PCSK2: variants seen among roughly 807,000 people sequenced by gnomAD.
PCSK2 encodes proprotein convertase subtilisin/kexin type 2, also known as neuroendocrine convertase 2.
Under a neutral mutation model 69.7 loss-of-function variants are expected in PCSK2, and 14 were observed. That is an observed-to-expected ratio of 0.20 (90% confidence interval 0.13 to 0.31). The LOEUF is 0.31. Ranked by LOEUF, PCSK2 falls within the 10% of genes least tolerant of loss-of-function variation. The pLI is 1.00. For missense variants in PCSK2, 544 were observed against 842.5 expected, an observed-to-expected ratio of 0.65 and a Z score of 4.39; for synonymous variants, 307 against 320.7, an observed-to-expected ratio of 0.96 and a Z score of 0.46.
chr20:17,330,421 G>T (rs369973194), intron 2 of PCSK2, among the ~76,000 whole-genome samples: 1 of 151,830 alleles, frequency 6.6e-6, no homozygotes, highest in Admixed American at 6.6e-5. Context: ...GCGAAACCCC[G>T]TCTCTACTAA....
rs1568616780 is a variant in PCSK2, at chr20:17,358,345, C to G, written c.301C>G (p.Gln101Glu). The change falls in exon 3 of 12, where the codon CAG becomes GAG. Residue 101 changes from glutamine (Q) to glutamate (E), a missense_variant. Physicochemically the swap from Gln to Glu is conservative, Grantham distance 29. Around this residue, in one of 3 missense-constraint regions of PCSK2, gnomAD observed 157 missense variants for 155.0 expected, o/e 1.01. Transcript: ENST00000262545. Reference sequence around the variant, plus strand: ...ATTCCAGGTAAAGATGGCTTTGCAGCAGGAAGGATTTGACCGAAAAAAGCG... The same window carrying G: ...ATTCCAGGTAAAGATGGCTTTGCAGGAGGAAGGATTTGACCGAAAAAAGCG... ...RDPRVKMALQQEGFDRKKRGY... is the reference protein window; with the variant it reads ...RDPRVKMALQEEGFDRKKRGY... 6.2e-7 allele frequency: 1 copy of G among 1,605,302 alleles called. No homozygotes were observed. Among genetic ancestry groups the G allele is most frequent in the African/African-American group, 1.3e-5 (1 of 74,808 alleles).
intron 1 of PCSK2, among the ~76,000 whole-genome samples, chr20:17,252,278 A>G (rs1987011984): frequency 6.6e-6 from 1 of 152,170 alleles, no homozygotes; most frequent in Non-Finnish European, 1.5e-5. Context: ...GAAAAATATA[A>G]TTTTTAACAG....
chr20:17,327,649 G>T (rs1990102069), intron 2 of PCSK2, among the ~76,000 whole-genome samples: 1 of 152,174 alleles, frequency 6.6e-6, no homozygotes, highest in Non-Finnish European at 1.5e-5. Context: ...CCTCCACGAA[G>T]TCACCGAGCA....
intron 6 of PCSK2, among the ~76,000 whole-genome samples, chr20:17,411,090 T>C (rs1159327278): frequency 6.6e-6 from 1 of 152,162 alleles, no homozygotes; most frequent in Non-Finnish European, 1.5e-5. Context: ...ATAAAAATAC[T>C]CCTTAAAAAA....
intron 2 of PCSK2, among the ~76,000 whole-genome samples, chr20:17,303,246 T>C (rs1989148010): frequency 7.1e-6 from 1 of 141,676 alleles, no homozygotes; most frequent in Non-Finnish European, 1.5e-5. Context: ...TTATAGATAA[T>C]TATATATAAT....
chr20:17,481,674 C>T lies in PCSK2; in HGVS notation c.1521C>T (p.Val507=). 1.9e-6 allele frequency: 3 copies of T among 1,614,140 alleles called. No homozygotes were observed. Among genetic ancestry groups the T allele is most frequent in the Non-Finnish European group, 2.5e-6 (3 of 1,180,038 alleles). ...KENFVRYLEH[V]QAVITVNATR... is the part of the protein sequence containing the mutation. ...ATTTTGTCCGCTACCTGGAGCATGT[C>T]CAGGCTGTCATCACGGTCAACGCAA... The change falls in exon 12 of 12, where the codon GTC becomes GTT. Residue 507 remains valine (V), a synonymous_variant. Coordinates refer to ENST00000262545, the MANE Select transcript of PCSK2 (RefSeq NM_002594.5).
chr20:17,439,098 G>C (rs1289788251), intron 8 of PCSK2, among the ~76,000 whole-genome samples: 1 of 151,978 alleles, frequency 6.6e-6, no homozygotes, highest in Non-Finnish European at 1.5e-5. Context: ...CTAAGTGTGT[G>C]CCTATTACCA....
chr20:17,402,162 A>C (rs545871415), intron 5 of PCSK2, among the ~76,000 whole-genome samples: 1 of 152,298 alleles, frequency 6.6e-6, no homozygotes, highest in South Asian at 2.1e-4. Context: ...ATACAGCTGC[A>C]CTCCTCCACC....
chr20:17,235,530 A>G (rs1986307364), intron 1 of PCSK2, among the ~76,000 whole-genome samples: 1 of 152,206 alleles, frequency 6.6e-6, no homozygotes, highest in Non-Finnish European at 1.5e-5. Flanking sequence ...TCAAGAACAT[A>G]AAGATAATAA....
intron 5 of PCSK2, among the ~76,000 whole-genome samples, chr20:17,373,283 G>A (rs2030828067): frequency 6.6e-6 from 1 of 152,202 alleles, no homozygotes; most frequent in African/African-American, 2.4e-5. Context: ...ATCTCACTGG[G>A]CAGCTCTGGG....
At chr20:17,328,619 T>C (rs189678395) in intron 2 of PCSK2, among the ~76,000 whole-genome samples, 4 of 152,092 alleles carry the variant, frequency 2.6e-5, no homozygotes, top group African/African-American at 7.2e-5. Flanking sequence ...AAGGGTGCTA[T>C]GTATGGTAAA....
At chr20:17,244,952 T>C (rs778649911) in intron 1 of PCSK2, among the ~76,000 whole-genome samples, 28 of 152,154 alleles carry the variant, frequency 1.8e-4, no homozygotes, top group Non-Finnish European at 3.5e-4. Context: ...CGCCACCTTC[T>C]TTTATCTGCC....
chr20:17,465,569 G>A lies in PCSK2; in HGVS notation c.1430+16G>A. Reference sequence around the variant, plus strand: ...AGGACCCTGAGTAAGTGGGGGTAGTGGTCCCTCTGCTGCATGTGGAAAGTG... The same window carrying A: ...AGGACCCTGAGTAAGTGGGGGTAGTAGTCCCTCTGCTGCATGTGGAAAGTG... On this transcript the variant is annotated intron_variant, in intron 11 of 11. Transcript: ENST00000262545. 11 of 1,505,018 alleles carry A rather than the reference G, an allele frequency of 7.3e-6. No homozygotes were observed. Among genetic ancestry groups the A allele is most frequent in the Non-Finnish European group, 1.0e-5 (11 of 1,100,588 alleles). 93.2% of individuals were successfully genotyped at this position (1,505,018 alleles called of 1,614,324 possible). A position where few individuals can be genotyped will look rare whatever the true frequency, so the allele number is the denominator to read the frequency against.
intron 2 of PCSK2, among the ~76,000 whole-genome samples, chr20:17,304,277 G>A (rs180835359): frequency 1.3e-4 from 20 of 152,202 alleles, no homozygotes; most frequent in Admixed American, 1.3e-3. Context: ...GGATCCTAAT[G>A]TCTAGATATA....
At chr20:17,269,550 A>G (rs558958914) in intron 2 of PCSK2, among the ~76,000 whole-genome samples, 18 of 152,280 alleles carry the variant, frequency 1.2e-4, no homozygotes, top group African/African-American at 3.8e-4. Flanking sequence ...CGCTTTCTCA[A>G]CGGATATTGA....
chr20:17,229,099 T>C (rs1189978261), intron 1 of PCSK2, among the ~76,000 whole-genome samples: 1 of 152,078 alleles, frequency 6.6e-6, no homozygotes, highest in Non-Finnish European at 1.5e-5. Context: ...TGATTATTAT[T>C]AGTTATACGG....
intron 6 of PCSK2, among the ~76,000 whole-genome samples, chr20:17,415,633 T>C (rs551329160): frequency 6.6e-6 from 1 of 152,182 alleles, no homozygotes; most frequent in East Asian, 1.9e-4. Context: ...TTCAATGCCA[T>C]CCCCATCAAG....
chr20:17,289,819 C>A (rs1988638545), intron 2 of PCSK2, among the ~76,000 whole-genome samples: 1 of 152,076 alleles, frequency 6.6e-6, no homozygotes, highest in Admixed American at 6.5e-5. Context: ...GTTATAGCAT[C>A]ATTTATTTAA....
At chr20:17,258,386 T>C (rs1161423855) in intron 1 of PCSK2, among the ~76,000 whole-genome samples, 2 of 152,246 alleles carry the variant, frequency 1.3e-5, no homozygotes, top group Admixed American at 6.5e-5. Context: ...TTCAGAGTTC[T>C]ATTTGCTTTT....
Sources: gnomAD v4.1 joint callset for allele counts (sites outside exome capture counted in the v4.1 genomes callset) on GRCh38, gnomAD v4.1.1 for gene constraint, gnomAD v4.1.1 regional missense constraint, MANE v1.5 for transcripts, NCBI Gene and HGNC (gene_info 2026-07-23, HGNC 2026-07-21) for gene names.